Variants in MSI2 observed in about 807,000 individuals in gnomAD.
MSI2 encodes the protein RNA-binding protein Musashi homolog 2.
Under a neutral mutation model 45.6 loss-of-function variants are expected in MSI2, and 17 were observed. The observed-to-expected ratio is 0.37, with a 90% confidence interval of 0.26 to 0.56. The LOEUF is 0.56. Among genes scored for constraint, MSI2 ranks in the 20% least tolerant of loss-of-function variants. MSI2 has a pLI of 0.77. For missense variants in MSI2, 293 were observed against 444.2 expected, an observed-to-expected ratio of 0.66 and a Z score of 3.06; for synonymous variants, 156 against 158.2, an observed-to-expected ratio of 0.99 and a Z score of 0.11.
Position 57,332,128 on chromosome 17 carries a change from T to C in MSI2, c.313-69251T>C, listed in dbSNP as rs8077435. 6.6e-3 allele frequency among the ~76,000 whole-genome samples: 954 copies of C among 145,554 alleles called. 9 individuals are homozygous for C. Among genetic ancestry groups the C allele is most frequent in the African/African-American group, 0.022 (862 of 39,188 alleles). On this transcript the variant is annotated intron_variant, in intron 5 of 13. Coordinates refer to ENST00000284073, the MANE Select transcript of MSI2 (RefSeq NM_138962.4). ...TTTTTTTTTTTTTTTTGAAATGGAG[T>C]CTCACTCTGTCACCCAGGCTGGAGT...
intron 5 of MSI2, among the ~76,000 whole-genome samples, chr17:57,319,684 C>A (rs529231366): frequency 1.3e-5 from 2 of 152,306 alleles, no homozygotes; most frequent in East Asian, 3.9e-4. Flanking sequence ...ACGATCATGG[C>A]TCACTGTAGC....
At chr17:57,541,586 A>G (rs543320689) in intron 7 of MSI2, among the ~76,000 whole-genome samples, 8 of 152,344 alleles carry the variant, frequency 5.3e-5, no homozygotes, top group Admixed American at 3.3e-4. Context: ...TGCCAATTCA[A>G]TCCTGGAGTG....
chr17:57,613,315 C>T (rs565889844), intron 8 of MSI2, among the ~76,000 whole-genome samples: 12 of 152,204 alleles, frequency 7.9e-5, no homozygotes, highest in Admixed American at 3.3e-4. Context: ...GCTGTTTTCC[C>T]GCTTGCAGTT....
At chr17:57,394,969 G>A (rs1245313374) in intron 5 of MSI2, among the ~76,000 whole-genome samples, 2 of 152,240 alleles carry the variant, frequency 1.3e-5, no homozygotes, top group African/African-American at 2.4e-5. Context: ...CATAGTTCAA[G>A]AGTTCAGAAG....
chr17:57,674,803 C>A (rs1312079163), intron 11 of MSI2, 169 bp from the exon 12 acceptor site: 2 of 972,248 alleles, frequency 2.1e-6, no homozygotes, highest in Non-Finnish European at 3.0e-6. Context: ...TTCGCATGGC[C>A]TTGGTTGAGT....
At chr17:57,656,099 G>A (rs1447651188) in intron 11 of MSI2, among the ~76,000 whole-genome samples, 1 of 152,146 alleles carries the variant, frequency 6.6e-6, no homozygotes, top group African/African-American at 2.4e-5. Context: ...GCTCGGCACA[G>A]CACGGCCGTC....
chr17:57,494,742 C>T (rs184921790), intron 6 of MSI2, among the ~76,000 whole-genome samples: 5 of 152,138 alleles, frequency 3.3e-5, no homozygotes, highest in East Asian at 1.9e-4. Context: ...AAACTTGTCC[C>T]GGACCACACA....
At chr17:57,571,794 C>G (rs1259982606) in intron 7 of MSI2, among the ~76,000 whole-genome samples, 2 of 152,192 alleles carry the variant, frequency 1.3e-5, no homozygotes, top group African/African-American at 4.8e-5. Context: ...CTGTTCCCAG[C>G]TGGGCAGGTG....
rs2086765415 is a variant in MSI2, at chr17:57,529,068, C to T, written c.406-608C>T. ...GCCATATTGTAATGTTACAGGTTAA[C>T]AAAAGGACAAATTCCATATACTATA... On this transcript the variant is annotated intron_variant, in intron 6 of 13. Coordinates refer to ENST00000284073, the MANE Select transcript of MSI2 (RefSeq NM_138962.4). This position sits in a 1 kb window ranked among gnomAD's most constrained non-coding sequence, Gnocchi z 5.3. Among the ~76,000 whole-genome samples, 1 of 152,036 alleles carries T rather than the reference C, an allele frequency of 6.6e-6. No individual in the cohort carries two copies. Among genetic ancestry groups the T allele is most frequent in the African/African-American group, 2.4e-5 (1 of 41,366 alleles).
chr17:57,562,120 G>A (rs2087591840), intron 7 of MSI2, among the ~76,000 whole-genome samples: 1 of 152,196 alleles, frequency 6.6e-6, no homozygotes, highest in Non-Finnish European at 1.5e-5. Flanking sequence ...AATAGCAGCT[G>A]TTGTTTTCCA....
chr17:57,451,459 G>C (rs1236235496), intron 6 of MSI2, among the ~76,000 whole-genome samples: 1 of 152,212 alleles, frequency 6.6e-6, no homozygotes, highest in Non-Finnish European at 1.5e-5. Flanking sequence ...ATGCTGATCA[G>C]CCCATCGTGG....
intron 5 of MSI2, among the ~76,000 whole-genome samples, chr17:57,382,079 G>T (rs922629522): frequency 1.3e-5 from 2 of 152,220 alleles, no homozygotes; most frequent in Non-Finnish European, 2.9e-5. Flanking sequence ...TCCTGTGCAG[G>T]TGTAGAGAAA....
chr17:57,350,777 T>C (rs1915972795), intron 5 of MSI2, among the ~76,000 whole-genome samples: 1 of 152,150 alleles, frequency 6.6e-6, no homozygotes, highest in Admixed American at 6.5e-5. Context: ...TCTCTGTCAA[T>C]ACCATGGCAC....
At chr17:57,440,413 CGTGTGTGTGTGTGTGTGTGTGT>C (rs71139995) in intron 6 of MSI2, among the ~76,000 whole-genome samples, 11 of 104,528 alleles carry the variant, frequency 1.1e-4, no homozygotes, top group African/African-American at 1.5e-4. Context: ...GTTTGTTATC[CGTGTGTGTGTGTGTGTGTGTGT>C]GTGTGTGTGT....
At chr17:57,260,197 C>T (rs1348728126) in intron 4 of MSI2, 2 of 152,092 alleles carry the variant, frequency 1.3e-5, no homozygotes. Context: ...AAATAGTTGA[C>T]AGGGATGTGC....
At chr17:57,546,051 G>A (rs538564888) in intron 7 of MSI2, among the ~76,000 whole-genome samples, 5 of 152,286 alleles carry the variant, frequency 3.3e-5, no homozygotes, top group South Asian at 2.1e-4. Context: ...CACAGTCAGC[G>A]GGAGGCCCCT....
chr17:57,606,032 G>T (rs556564205), intron 8 of MSI2, among the ~76,000 whole-genome samples: 1 of 152,366 alleles, frequency 6.6e-6, no homozygotes, highest in East Asian at 1.9e-4. Context: ...AAATAGTGCG[G>T]CCTGGGAAGC....
chr17:57,354,504 G>C (rs1029870519), intron 5 of MSI2, among the ~76,000 whole-genome samples: 5 of 152,190 alleles, frequency 3.3e-5, no homozygotes, highest in Non-Finnish European at 5.9e-5. Flanking sequence ...TTTGATTCCA[G>C]GTGGGGGAGG....
rs1908880604 is a variant in MSI2, at chr17:57,627,105, G to C, written c.653-124G>C. The C allele has an allele frequency of 1.1e-6, 1 of 917,088 alleles. No homozygotes were observed. The highest frequency in any genetic ancestry group is 1.8e-6 in the Non-Finnish European group (1 of 564,562). 56.8% of individuals were successfully genotyped at this position (917,088 alleles called of 1,614,324 possible). ...ACCCTTAATAAAAAAACCCTCATGAGAGACAAATTATTCTGTGAAGGAAAA... is the reference window on the plus strand; with the variant it reads ...ACCCTTAATAAAAAAACCCTCATGACAGACAAATTATTCTGTGAAGGAAAA... On this transcript the variant is annotated intron_variant, in intron 9 of 13. Transcript: ENST00000284073. This position sits in a 1 kb window ranked among gnomAD's most constrained non-coding sequence, Gnocchi z 4.6.
Sources: allele counts gnomAD v4.1 joint callset (sites outside exome capture counted in the v4.1 genomes callset), GRCh38; gene constraint gnomAD v4.1.1; non-coding constraint Gnocchi (gnomAD v3.1); transcripts MANE v1.5; gene names NCBI Gene and HGNC (gene_info 2026-07-23, HGNC 2026-07-21).